Variants in MACC1 observed in about 807,000 individuals in gnomAD.
The protein encoded by MACC1 is MET transcriptional regulator MACC1, also known as metastasis-associated in colon cancer protein 1.
In MACC1, 79 loss-of-function variants were observed where a neutral mutation model predicts 70.7. The ratio of observed to expected loss-of-function variants is 1.12; its 90% CI spans 0.93 to 1.35. The LOEUF is 1.35. Among genes scored for constraint, MACC1 ranks in the 40% most tolerant of loss-of-function variants. The pLI, the probability that MACC1 is intolerant of heterozygous loss-of-function variation, is 0.00. For missense variants in MACC1, 1,106 were observed against 978.1 expected (o/e 1.13, Z -1.74); for synonymous variants, 361 against 347.2 (o/e 1.04, Z -0.44).
chr7:20,162,357 T>C (rs754157965), intron 3 of MACC1, among the ~76,000 whole-genome samples: 2 of 152,144 alleles, frequency 1.3e-5, no homozygotes, highest in Non-Finnish European at 2.9e-5. Context: ...TCTCAATGGA[T>C]AAAATTGTAT....
intron 1 of MACC1, among the ~76,000 whole-genome samples, chr7:20,213,429 A>G (rs1783026697): frequency 6.6e-6 from 1 of 152,246 alleles, no homozygotes; most frequent in African/African-American, 2.4e-5. Context: ...TACTGGGTAT[A>G]TAACCAAAGG....
intron 1 of MACC1, among the ~76,000 whole-genome samples, chr7:20,200,272 AAGATTACT>A (rs1782814662): frequency 6.6e-6 from 1 of 152,042 alleles, no homozygotes; most frequent in Non-Finnish European, 1.5e-5. Context: ...AAAGATTTAA[AAGATTACT>A]AGATTACTAG....
At chr7:20,178,856 T>A (rs2128105599) in intron 1 of MACC1, among the ~76,000 whole-genome samples, 1 of 152,306 alleles carries the variant, frequency 6.6e-6, no homozygotes, top group Non-Finnish European at 1.5e-5. Context: ...CATCTTGGCC[T>A]CCCAAAGTGT....
intron 1 of MACC1, among the ~76,000 whole-genome samples, chr7:20,201,657 A>G (rs985158666): frequency 2.0e-5 from 3 of 152,232 alleles, no homozygotes; most frequent in African/African-American, 7.2e-5. Flanking sequence ...AAGTTGAAGC[A>G]GAACTAGAGA....
At chr7:20,191,757 G>A (rs1252276935) in intron 1 of MACC1, among the ~76,000 whole-genome samples, 1 of 152,080 alleles carries the variant, frequency 6.6e-6, no homozygotes, top group Non-Finnish European at 1.5e-5. Context: ...AATACGGCTG[G>A]CAATAAAAAT....
intron 1 of MACC1, among the ~76,000 whole-genome samples, chr7:20,181,569 T>G (rs1441967795): frequency 1.3e-5 from 2 of 152,152 alleles, no homozygotes; most frequent in Non-Finnish European, 2.9e-5. Flanking sequence ...AATCATTTGC[T>G]AAAATTCCAT....
intron 1 of MACC1, among the ~76,000 whole-genome samples, chr7:20,180,407 T>C (rs3114464): frequency 0.64 from 95,350 of 150,054 alleles, 31,694 homozygotes; most frequent in East Asian, 0.9. Flanking sequence ...TGCGCCACTG[T>C]ACTTCAGCCT....
At chr7:20,181,182 A>C (rs1027804892) in intron 1 of MACC1, among the ~76,000 whole-genome samples, 2 of 152,078 alleles carry the variant, frequency 1.3e-5, no homozygotes, top group Non-Finnish European at 2.9e-5. Context: ...CTGCCAGCTA[A>C]AACTATGTTC....
At chr7:20,187,859 A>C (rs1782612867) in intron 1 of MACC1, among the ~76,000 whole-genome samples, 1 of 152,134 alleles carries the variant, frequency 6.6e-6, no homozygotes, top group Non-Finnish European at 1.5e-5. Context: ...ATTTTAGTTA[A>C]GAGGAAAAAA....
intron 6 of MACC1, among the ~76,000 whole-genome samples, chr7:20,144,276 C>A (rs1781853659): frequency 6.6e-6 from 1 of 152,164 alleles, no homozygotes; most frequent in African/African-American, 2.4e-5. Context: ...AGGAGATAGA[C>A]ACCTGCACAA....
At chr7:20,161,922 C>T in intron 3 of MACC1, 52 bp from the exon 4 acceptor site, 1 of 1,087,888 alleles carries the variant, frequency 9.2e-7, no homozygotes, top group Non-Finnish European at 1.4e-6. Flanking sequence ...TACAGGCTGG[C>T]AGAGAAAATA....
chr7:20,177,394 C>A (rs3114449), intron 1 of MACC1, among the ~76,000 whole-genome samples: 1 of 151,546 alleles, frequency 6.6e-6, no homozygotes, highest in Admixed American at 6.6e-5. Flanking sequence ...ATAAAATCTC[C>A]CACCATGATT....
chr7:20,168,398 T>C (rs1170727096), intron 2 of MACC1, among the ~76,000 whole-genome samples: 1 of 152,196 alleles, frequency 6.6e-6, no homozygotes, highest in East Asian at 1.9e-4. Flanking sequence ...TTAGCAGTAG[T>C]CCACACATTT....
chr7:20,180,793 G>C (rs911838027), intron 1 of MACC1, among the ~76,000 whole-genome samples: 12 of 152,092 alleles, frequency 7.9e-5, no homozygotes, highest in African/African-American at 2.7e-4. Flanking sequence ...GTTTCAGTGA[G>C]GTGAGATTTC....
intron 6 of MACC1, among the ~76,000 whole-genome samples, chr7:20,141,411 C>T (rs962042141): frequency 2.6e-5 from 4 of 152,094 alleles, no homozygotes; most frequent in Admixed American, 1.3e-4. Flanking sequence ...GATCCATCAT[C>T]TATACATTGC....
intron 3 of MACC1, among the ~76,000 whole-genome samples, 179 bp downstream of exon 3, chr7:20,164,077 C>T (rs1014324865): frequency 6.6e-6 from 1 of 152,140 alleles, no homozygotes; most frequent in Non-Finnish European, 1.5e-5. Flanking sequence ...GCCGGGATTA[C>T]AGGCGCCCAC....
chr7:20,154,129 G>C, intron 6 of MACC1, 64 bp downstream of exon 6: 1 of 1,547,992 alleles, frequency 6.5e-7, no homozygotes, highest in South Asian at 1.1e-5. Context: ...GTATGGGTTT[G>C]ATTACATTAG....
chr7:20,169,863 A>G (rs1782277589), intron 2 of MACC1, among the ~76,000 whole-genome samples: 1 of 152,244 alleles, frequency 6.6e-6, no homozygotes, highest in African/African-American at 2.4e-5. Flanking sequence ...AAAAAGTGGC[A>G]CAAGAGGACC....
At chr7:20,150,442 A>G (rs1781957932) in intron 6 of MACC1, 1 of 152,194 alleles carries the variant, frequency 6.6e-6, no homozygotes, top group South Asian at 2.1e-4. Flanking sequence ...TAGACTTGGA[A>G]CAAAGTACTT....
Sources: gnomAD v4.1 joint callset for allele counts (sites outside exome capture counted in the v4.1 genomes callset) on GRCh38, gnomAD v4.1.1 for gene constraint, MANE v1.5 for transcripts, NCBI Gene and HGNC (gene_info 2026-07-23, HGNC 2026-07-21) for gene names.